TAL1: variants seen among roughly 807,000 people sequenced by gnomAD.
TAL1 encodes T-cell acute lymphocytic leukemia protein 1.
TAL1 carries 8 observed loss-of-function variants against 17.9 expected under a neutral mutation model. The observed-to-expected ratio is 0.45, with a 90% CI of 0.26 to 0.81. TAL1 has a LOEUF of 0.81. Among genes scored for constraint, TAL1 ranks in the 30% least tolerant of loss-of-function variants. The pLI, the probability that TAL1 is intolerant of heterozygous loss-of-function variation, is 0.17. For missense variants in TAL1, 466 were observed against 486.9 expected, an observed-to-expected ratio of 0.96 and a Z score of 0.40; for synonymous variants, 223 against 218.6, an observed-to-expected ratio of 1.02 and a Z score of -0.18.
exon 2 of TAL1, chr1:47,225,582 G>A: frequency 2.3e-6 from 3 of 1,285,470 alleles, no homozygotes; most frequent in Middle Eastern, 2.9e-4. Flanking sequence ...GCGGGCGCGG[G>A]GGCCGGGGCG....
chr1:47,216,632 A>G (rs1250248023), exon 4 of TAL1: 1 of 231,884 alleles, frequency 4.3e-6, no homozygotes, highest in Non-Finnish European at 8.5e-6. Context: ...AGGCCGAAAT[A>G]GTTGTCGGCT....
intron 1 of TAL1, chr1:47,226,205 C>T: frequency 2.7e-6 from 1 of 374,886 alleles, no homozygotes; most frequent in Non-Finnish European, 4.8e-6. Context: ...GCGACAGAAA[C>T]ACAGAAGGGG....
intron 1 of TAL1, chr1:47,226,100 A>C (rs1643907124): frequency 2.0e-6 from 1 of 506,682 alleles, no homozygotes; most frequent in Admixed American, 4.3e-5. Context: ...GGATTGGGAG[A>C]AGGGAGGGGT....
At chr1:47,222,157 G>A (rs1643826606) in intron 3 of TAL1, among the ~76,000 whole-genome samples, 1 of 152,250 alleles carries the variant, frequency 6.6e-6, no homozygotes, top group Admixed American at 6.5e-5. Context: ...CATGGCTAAT[G>A]CTGGTGATCT....
rs970199904 is a variant in TAL1 at position 47,219,315 on chromosome 1, C to T, written c.*405G>A. ...TGGCCACACAGGCCACCCCAGCCAG[C>T]TTGGGAGGGGCTAAAGGCAAGGCAG... On this transcript the variant is annotated 3_prime_UTR_variant, in exon 4 of 4. Coordinates refer to ENST00000294339, the Ensembl canonical transcript of TAL1. The T allele has an allele frequency of 2.2e-5, 11 of 508,090 alleles. 1 individual carries two copies. The highest frequency in any genetic ancestry group is 1.9e-4 in the South Asian group (11 of 58,250). 31.5% of individuals were successfully genotyped at this position (508,090 alleles called of 1,614,324 possible).
intron 3 of TAL1, among the ~76,000 whole-genome samples, 155 bp from the exon 5 acceptor site, chr1:47,220,329 C>T (rs1488773531): frequency 6.6e-6 from 1 of 152,186 alleles, no homozygotes; most frequent in Non-Finnish European, 1.5e-5. Flanking sequence ...TGTGCTTCCT[C>T]ATCTATGGGA....
chr1:47,231,705 C>T (rs1022210607), upstream of TAL1: 8 of 233,616 alleles, frequency 3.4e-5, no homozygotes, highest in Non-Finnish European at 5.9e-5. Flanking sequence ...TCGTACGCAA[C>T]GAAGAAAACG....
At chr1:47,217,021 G>T (rs1017004942) in exon 4 of TAL1, 6 of 231,742 alleles carry the variant, frequency 2.6e-5, no homozygotes, top group East Asian at 1.8e-4. Context: ...TACACAGTCT[G>T]CCAGTGTTCC....
chr1:47,218,270 T>G, exon 4 of TAL1: 1 of 233,076 alleles, frequency 4.3e-6, no homozygotes, highest in Non-Finnish European at 8.5e-6. Context: ...TGGGCTTAGA[T>G]GCAGGTCACA....
At chr1:47,225,956 C>G in intron 1 of TAL1, 67 bp from the exon 3 acceptor site, 1 of 1,493,848 alleles carries the variant, frequency 6.7e-7, no homozygotes, top group South Asian at 1.2e-5. Context: ...CCGACGTGGG[C>G]TGGGGTAAAG....
chr1:47,224,131 C>G, intron 2 of TAL1, 33 bp from the exon 4 acceptor site: 1 of 1,604,260 alleles, frequency 6.2e-7, no homozygotes, highest in Non-Finnish European at 8.5e-7. Flanking sequence ...CACAAGATCC[C>G]ATGTTGAGGG....
intron 2 of TAL1, among the ~76,000 whole-genome samples, chr1:47,224,831 G>A (rs1023434049): frequency 1.6e-4 from 25 of 152,168 alleles, no homozygotes; most frequent in Non-Finnish European, 3.2e-4. Flanking sequence ...GCAGGGAAAC[G>A]GATGCCCTGA....
chr1:47,220,569 C>G (rs1313959695), intron 3 of TAL1, among the ~76,000 whole-genome samples: 1 of 152,176 alleles, frequency 6.6e-6, no homozygotes, highest in Non-Finnish European at 1.5e-5. Flanking sequence ...CTACCCCTAC[C>G]TAAATGAATG....
At chr1:47,226,268 C>T (rs1004125045) in intron 1 of TAL1, 2 of 213,284 alleles carry the variant, frequency 9.4e-6, no homozygotes, top group African/African-American at 4.6e-5. Flanking sequence ...TACTCTGTCC[C>T]CTTTCTCAGG....
At chr1:47,218,118 C>T (rs1359554323) in exon 4 of TAL1, 1 of 250,358 alleles carries the variant, frequency 4.0e-6, no homozygotes, top group Non-Finnish European at 7.7e-6. Context: ...TCCAGACAGC[C>T]ACAGTGATGA....
chr1:47,225,486 C>T (rs929410780), exon 2 of TAL1: 2 of 1,235,480 alleles, frequency 1.6e-6, no homozygotes, highest in South Asian at 4.1e-5. Flanking sequence ...TAGAGCAGCG[C>T]GCGGCCGGGG....
chr1:47,226,819 C>G (rs573578726), intron 1 of TAL1, among the ~76,000 whole-genome samples: 1 of 152,196 alleles, frequency 6.6e-6, no homozygotes, highest in Non-Finnish European at 1.5e-5. Flanking sequence ...GGTCTGGACT[C>G]CCATCCAAGA....
upstream of TAL1, chr1:47,230,022 GAAGA>G (rs1643981817): frequency 6.6e-6 from 1 of 152,182 alleles, no homozygotes; most frequent in Non-Finnish European, 1.5e-5. Context: ...TTAAGAGAAA[GAAGA>G]AAGAGAGAGG....
chr1:47,224,665 C>T (rs1471118317), intron 2 of TAL1, among the ~76,000 whole-genome samples: 1 of 152,144 alleles, frequency 6.6e-6, no homozygotes, highest in African/African-American at 2.4e-5. Flanking sequence ...TGAAATGCTC[C>T]GCCTAGCTCT....
Sources: allele counts gnomAD v4.1 joint callset (sites outside exome capture counted in the v4.1 genomes callset), GRCh38; gene constraint gnomAD v4.1.1; transcripts MANE v1.5; gene names NCBI Gene and HGNC (gene_info 2026-07-23, HGNC 2026-07-21).